The following FRMPD4 variants were observed in gnomAD, a reference collection of about 807,000 sequenced individuals.
FRMPD4 encodes the protein FERM and PDZ domain containing 4.
In FRMPD4, 22 loss-of-function variants were observed where a neutral mutation model predicts 94.1. The ratio of observed to expected loss-of-function variants is 0.23; its 90% confidence interval spans 0.17 to 0.33. FRMPD4 has a LOEUF of 0.33. Ranked by LOEUF, FRMPD4 falls within the 10% of genes least tolerant of loss-of-function variation. The probability of loss-of-function intolerance (pLI) is 1.00; values close to 1 mark genes in which losing one functional copy is unlikely to be tolerated. For synonymous variants in FRMPD4, 631 were observed against 548.6 expected, an observed-to-expected ratio of 1.15 and a Z score of -2.10; for missense variants, 1,111 against 1,339.9, an observed-to-expected ratio of 0.83 and a Z score of 2.67.
At chrX:11,981,563 A>G (rs775832312) in intron 3 of FRMPD4, among the ~76,000 whole-genome samples, 34 of 111,335 alleles carry the variant, frequency 3.1e-4, no homozygotes, top group Admixed American at 5.7e-4. Flanking sequence ...TTCAGTTTCT[A>G]TGTTCTTATG....
intron 1 of FRMPD4, among the ~76,000 whole-genome samples, chrX:12,402,992 A>G (rs1043280672): frequency 1.8e-5 from 2 of 112,394 alleles, no homozygotes; most frequent in African/African-American, 6.5e-5. Flanking sequence ...CAGCAGCACA[A>G]ACAGACTAAG....
intron 2 of FRMPD4, among the ~76,000 whole-genome samples, chrX:11,870,731 T>C (rs370942645): frequency 4.5e-5 from 5 of 111,779 alleles, no homozygotes; most frequent in African/African-American, 1.6e-4. Flanking sequence ...CACTCTTCAA[T>C]TGTGACCCAA....
intron 1 of FRMPD4, among the ~76,000 whole-genome samples, chrX:12,164,797 C>A (rs2056085173): frequency 8.9e-6 from 1 of 112,547 alleles, no homozygotes; most frequent in African/African-American, 3.2e-5. Context: ...CTCTGATGGC[C>A]AGTGATGACA....
At chrX:12,437,400 TTTTC>T (rs35076495) in intron 1 of FRMPD4, among the ~76,000 whole-genome samples, 6 of 107,984 alleles carry the variant, frequency 5.6e-5, no homozygotes, top group South Asian at 4.1e-4. Flanking sequence ...ATATATTCTT[TTTTC>T]TTTCTTTCTT....
Position 12,690,275 on chromosome X carries a change from A to G in FRMPD4, c.762A>G (p.Glu254=). 1 of 1,208,335 alleles carries G rather than the reference A, an allele frequency of 8.3e-7. No homozygotes were observed. Among genetic ancestry groups the G allele is most frequent in the Non-Finnish European group, 1.1e-6 (1 of 892,508 alleles). Reference sequence around the variant, plus strand: ...CTCTCATGCTGGAGCAGAGGACAGAAGGGGCTGGAACGAAGCTGCTCTTGC... The same window carrying G: ...CTCTCATGCTGGAGCAGAGGACAGAGGGGGCTGGAACGAAGCTGCTCTTGC... The part of the protein sequence containing the change: ...HFSLMLEQRT[E]GAGTKLLLLH... Residue 254 remains glutamate (E), a synonymous_variant, in exon 8 of 17, where the codon GAA becomes GAG. Transcript: ENST00000675598.
At chrX:11,933,027 T>C (rs1002988281) in intron 3 of FRMPD4, among the ~76,000 whole-genome samples, 1 of 112,084 alleles carries the variant, frequency 8.9e-6, no homozygotes, top group African/African-American at 3.2e-5. Flanking sequence ...TAGCAGTTGC[T>C]CAATAAATAC....
intron 1 of FRMPD4, among the ~76,000 whole-genome samples, chrX:12,148,582 G>T (rs2055803927): frequency 8.9e-6 from 1 of 112,527 alleles, no homozygotes; most frequent in African/African-American, 3.2e-5. Flanking sequence ...TTATCCAGAA[G>T]ACCTAGCTAA....
intron 3 of FRMPD4, among the ~76,000 whole-genome samples, chrX:11,919,246 T>A (rs4593744): frequency 9.0e-6 from 1 of 111,637 alleles, no homozygotes; most frequent in Non-Finnish European, 1.9e-5. Flanking sequence ...AAAATATATC[T>A]CAGCATTGTC....
intron 1 of FRMPD4, among the ~76,000 whole-genome samples, chrX:12,294,015 T>G (rs902563549): frequency 3.6e-5 from 4 of 112,191 alleles, no homozygotes; most frequent in African/African-American, 1.3e-4. Context: ...CATGGTCTTT[T>G]GAACCACATA....
intron 3 of FRMPD4, among the ~76,000 whole-genome samples, chrX:11,997,534 C>T (rs1443058146): frequency 9.0e-6 from 1 of 110,844 alleles, no homozygotes; most frequent in Non-Finnish European, 1.9e-5. Context: ...GGCTTTGTTT[C>T]TGGCTGCAAC....
At chrX:12,609,242 G>T (rs996772431) in intron 2 of FRMPD4, among the ~76,000 whole-genome samples, 5 of 111,284 alleles carry the variant, frequency 4.5e-5, no homozygotes, top group Non-Finnish European at 7.5e-5. Flanking sequence ...CTGTCTCAGG[G>T]GTGGCAGAGG....
At chrX:12,321,630 C>T (rs370633250) in intron 1 of FRMPD4, among the ~76,000 whole-genome samples, 2 of 111,706 alleles carry the variant, frequency 1.8e-5, no homozygotes, top group African/African-American at 3.3e-5. Context: ...ACTTACAATG[C>T]GTTTATTGGG....
chrX:12,166,925 A>G (rs1305827086), intron 1 of FRMPD4, among the ~76,000 whole-genome samples: 3 of 110,558 alleles, frequency 2.7e-5, no homozygotes, highest in African/African-American at 3.3e-5. Context: ...TATTGCGTCT[A>G]TTTGATTCTT....
chrX:12,537,021 G>A (rs1439232629), intron 2 of FRMPD4, among the ~76,000 whole-genome samples: 3 of 111,091 alleles, frequency 2.7e-5, no homozygotes, highest in African/African-American at 9.8e-5. Flanking sequence ...TATGTCCAAG[G>A]CAATGGCCTC....
chrX:12,386,122 C>G (rs1024466324), intron 1 of FRMPD4, among the ~76,000 whole-genome samples: 1 of 112,269 alleles, frequency 8.9e-6, no homozygotes, highest in Non-Finnish European at 1.9e-5. Context: ...CCCTATCTGC[C>G]TCATAATTGG....
At chrX:11,837,996 A>G (rs1364724492) in intron 1 of FRMPD4, among the ~76,000 whole-genome samples, 1 of 111,814 alleles carries the variant, frequency 8.9e-6, no homozygotes, top group Non-Finnish European at 1.9e-5. Flanking sequence ...TTAGAAAGCA[A>G]TATCAGAGCT....
chrX:11,867,384 T>C (rs1380883821), intron 2 of FRMPD4, among the ~76,000 whole-genome samples: 5 of 111,737 alleles, frequency 4.5e-5, no homozygotes, highest in Non-Finnish European at 9.4e-5. Context: ...TGTATTCACT[T>C]AGTTACAGCT....
chrX:11,862,940 G>C (rs1181773982), intron 1 of FRMPD4, among the ~76,000 whole-genome samples: 1 of 103,760 alleles, frequency 9.6e-6, no homozygotes, highest in Non-Finnish European at 2.0e-5. Flanking sequence ...CTGATTGGAG[G>C]TGTGTGGTTA....
chrX:12,363,568 T>C (rs1402711858), intron 1 of FRMPD4, among the ~76,000 whole-genome samples: 2 of 112,105 alleles, frequency 1.8e-5, no homozygotes, highest in African/African-American at 3.2e-5. Context: ...AAAATCCCCC[T>C]AAGCCACCAT....
Sources: gnomAD v4.1 joint callset for allele counts (sites outside exome capture counted in the v4.1 genomes callset) on GRCh38, gnomAD v4.1.1 for gene constraint, MANE v1.5 for transcripts, NCBI Gene and HGNC (gene_info 2026-07-23, HGNC 2026-07-21) for gene names.